The following TSPAN14 variants were observed in gnomAD, a reference collection of about 807,000 sequenced individuals.
TSPAN14 encodes the protein tetraspanin-14.
A neutral mutation model predicts 36.6 loss-of-function variants in TSPAN14; 16 were observed. The observed-to-expected ratio is 0.44, with a 90% confidence interval of 0.30 to 0.66. The LOEUF (loss-of-function observed/expected upper bound fraction) is 0.66, where lower values mean the gene tolerates loss of function less well. Ranked by LOEUF, TSPAN14 falls within the 30% of genes least tolerant of loss-of-function variation. The pLI, the probability that TSPAN14 is intolerant of heterozygous loss-of-function variation, is 0.12. For synonymous variants in TSPAN14, 139 were observed against 143.8 expected, an observed-to-expected ratio of 0.97 and a Z score of 0.24; for missense variants, 231 against 355.1, an observed-to-expected ratio of 0.65 and a Z score of 2.81.
At chr10:80,464,939 A>T (rs1250596791) in intron 1 of TSPAN14, among the ~76,000 whole-genome samples, 2 of 152,194 alleles carry the variant, frequency 1.3e-5, no homozygotes, top group African/African-American at 2.4e-5. Context: ...TGCTGGTAGC[A>T]GGAGCCCTTT....
intron 2 of TSPAN14, among the ~76,000 whole-genome samples, chr10:80,498,014 C>T (rs1055104688): frequency 1.3e-5 from 2 of 152,208 alleles, no homozygotes; most frequent in Non-Finnish European, 2.9e-5. Context: ...CCAGACCTTC[C>T]GAACTCCCAC....
chr10:80,514,755 T>A (rs1251654792), intron 7 of TSPAN14, among the ~76,000 whole-genome samples: 2 of 152,168 alleles, frequency 1.3e-5, no homozygotes, highest in Admixed American at 6.5e-5. Context: ...GTAAACTGAA[T>A]GTGTGTGTCT....
intron 6 of TSPAN14, among the ~76,000 whole-genome samples, chr10:80,513,017 A>G (rs1840740984): frequency 6.6e-6 from 1 of 152,018 alleles, no homozygotes. Flanking sequence ...TCCAGCCTCA[A>G]CCTCCCAAGT....
chr10:80,472,912 A>C (rs1846637440), intron 1 of TSPAN14, among the ~76,000 whole-genome samples: 1 of 152,122 alleles, frequency 6.6e-6, no homozygotes, highest in South Asian at 2.1e-4. Context: ...GTTCTGTTGA[A>C]CTAGTTGCCA....
chr10:80,494,727 TC>T (rs1848099652), intron 2 of TSPAN14, among the ~76,000 whole-genome samples: 1 of 152,230 alleles, frequency 6.6e-6, no homozygotes, highest in African/African-American at 2.4e-5. Flanking sequence ...AATGATTTCT[TC>T]ATTTCCATCT....
chr10:80,479,868 A>G (rs942507852), intron 1 of TSPAN14, among the ~76,000 whole-genome samples: 1 of 150,318 alleles, frequency 6.7e-6, no homozygotes, highest in Non-Finnish European at 1.5e-5. Context: ...CATTGAATCT[A>G]TAAATTACCT....
At chr10:80,482,691 C>T (rs1363996983) in intron 1 of TSPAN14, among the ~76,000 whole-genome samples, 2 of 148,580 alleles carry the variant, frequency 1.3e-5, no homozygotes, top group African/African-American at 2.5e-5. Flanking sequence ...TTTGAAAACC[C>T]TTGTTTAGTG....
At chr10:80,505,943 A>G (rs1003473344) in intron 3 of TSPAN14, among the ~76,000 whole-genome samples, 1 of 152,254 alleles carries the variant, frequency 6.6e-6, no homozygotes, top group African/African-American at 2.4e-5. Context: ...AATGGAAGTC[A>G]GCCTTCCTGT....
intron 2 of TSPAN14, among the ~76,000 whole-genome samples, chr10:80,500,928 G>C (rs1848476781): frequency 6.6e-6 from 1 of 152,216 alleles, no homozygotes; most frequent in Admixed American, 6.5e-5. Context: ...AACTGCTCTT[G>C]AGGTCGAGGG....
chr10:80,518,127 C>T (rs992635017), exon 9 of TSPAN14: 23 of 802,266 alleles, frequency 2.9e-5, no homozygotes, highest in Non-Finnish European at 4.0e-5. Context: ...TCTGTTTCTG[C>T]TTGCTGGTGC....
At chr10:80,461,717 G>A (rs1845977825) in intron 1 of TSPAN14, among the ~76,000 whole-genome samples, 1 of 152,078 alleles carries the variant, frequency 6.6e-6, no homozygotes. Context: ...GTGTGTTGAA[G>A]ATTAGTGCCT....
At position 80,512,731 on chromosome 10, in the gene TSPAN14, T is replaced by A. The variant is rs374217660; in HGVS notation, c.576+462T>A. ...ATTTTTGAGACAGGGTCTTGCTGTG[T>A]CGCCCAGGCTGGAGTGTAGTGGCAT... On this transcript the variant is annotated intron_variant, in intron 6 of 8. Coordinates refer to ENST00000429989, the Ensembl canonical transcript of TSPAN14. Among the ~76,000 whole-genome samples, 33 of 152,326 alleles carry A rather than the reference T, an allele frequency of 2.2e-4. No individual in the cohort carries two copies. The East Asian group carries it at 2.7e-3, about 12-fold the overall frequency.
chr10:80,521,229 TC>T (rs2132080166), exon 9 of TSPAN14: 1 of 170,672 alleles, frequency 5.9e-6, no homozygotes, highest in African/African-American at 2.4e-5. Flanking sequence ...TGATGGCTTC[TC>T]AGCCAGCAGT....
intron 7 of TSPAN14, among the ~76,000 whole-genome samples, chr10:80,514,628 G>A (rs1840833347): frequency 1.3e-5 from 2 of 152,148 alleles, no homozygotes; most frequent in South Asian, 2.1e-4. Context: ...TAAAAGGGAG[G>A]AGTCTCGAGG....
At position 80,507,215 on chromosome 10, in the gene TSPAN14, C is replaced by T. The variant is rs765417559; in HGVS notation, c.133-13C>T. The T allele has an allele frequency of 1.9e-6, 3 of 1,614,088 alleles. No individual in the cohort carries two copies. Among genetic ancestry groups the T allele is most frequent in the South Asian group, 1.1e-5 (1 of 91,088 alleles). On this transcript the variant is annotated splice_polypyrimidine_tract_variant and intron_variant, in intron 3 of 8. Transcript: ENST00000429989. ...CTGGGCCAGTGCTGCCCTGCTTTCT[C>T]TGTCTCTTTCAGGGTGTGCTGTCCG...
chr10:80,515,342 C>G (rs1180530767), intron 7 of TSPAN14: 2 of 152,420 alleles, frequency 1.3e-5, no homozygotes, highest in African/African-American at 2.4e-5. Context: ...CTGCAGGTGG[C>G]TGTCCTCTCC....
intron 1 of TSPAN14, among the ~76,000 whole-genome samples, chr10:80,473,690 T>G (rs913882770): frequency 3.5e-5 from 5 of 141,984 alleles, no homozygotes; most frequent in Admixed American, 7.0e-5. Flanking sequence ...GATGGGTTTT[T>G]TTTTTTTTTT....
At chr10:80,478,679 T>C (rs960676025) in intron 1 of TSPAN14, among the ~76,000 whole-genome samples, 1 of 151,912 alleles carries the variant, frequency 6.6e-6, no homozygotes, top group Admixed American at 6.6e-5. Context: ...GGTGGGGGAG[T>C]GATGCCTTCA....
intron 1 of TSPAN14, among the ~76,000 whole-genome samples, chr10:80,486,178 G>A (rs1282317382): frequency 6.6e-6 from 1 of 152,238 alleles, no homozygotes; most frequent in African/African-American, 2.4e-5. Flanking sequence ...GGTTGGTCAT[G>A]CGTGTTGGGT....
Sources: gnomAD v4.1 joint callset for allele counts (sites outside exome capture counted in the v4.1 genomes callset) on GRCh38, gnomAD v4.1.1 for gene constraint, MANE v1.5 for transcripts, NCBI Gene and HGNC (gene_info 2026-07-23, HGNC 2026-07-21) for gene names.